Variants in CARF observed in about 807,000 individuals in gnomAD.
CARF encodes calcium-responsive transcription factor.
Under a neutral mutation model 82.0 loss-of-function variants are expected in CARF, and 57 were observed. The observed-to-expected ratio is 0.70, with a 90% confidence interval of 0.56 to 0.87. The LOEUF is 0.87. Ranked by LOEUF, CARF falls within the 40% of genes least tolerant of loss-of-function variation. CARF has a pLI of 0.00. For synonymous variants in CARF, 268 were observed against 290.1 expected (o/e 0.92, Z 0.77); for missense variants, 771 against 855.8 (o/e 0.90, Z 1.24).
intron 3 of CARF, among the ~76,000 whole-genome samples, chr2:202,926,465 A>C (rs574402563): frequency 4.6e-5 from 7 of 152,276 alleles, no homozygotes; most frequent in African/African-American, 1.7e-4. Context: ...CTATTTGTCT[A>C]TTTTTACACC....
intron 3 of CARF, among the ~76,000 whole-genome samples, chr2:202,929,741 G>A (rs929163267): frequency 7.2e-5 from 11 of 151,986 alleles, no homozygotes; most frequent in Admixed American, 5.9e-4. Context: ...TTGGGATTTC[G>A]GGGCTTTTGT....
At chr2:202,946,193 C>A (rs563454631) in intron 5 of CARF, among the ~76,000 whole-genome samples, 1 of 152,218 alleles carries the variant, frequency 6.6e-6, no homozygotes, top group South Asian at 2.1e-4. Context: ...ATAGCCAAGA[C>A]AATCCTAAGC....
intron 3 of CARF, among the ~76,000 whole-genome samples, chr2:202,936,203 C>T (rs562010299): frequency 2.0e-5 from 3 of 152,200 alleles, no homozygotes; most frequent in South Asian, 4.1e-4. Context: ...ATCTAGTCCA[C>T]GTTCATATTT....
intron 9 of CARF, among the ~76,000 whole-genome samples, chr2:202,963,794 T>C (rs1276913940): frequency 1.3e-5 from 2 of 152,152 alleles, no homozygotes; most frequent in Non-Finnish European, 2.9e-5. Context: ...CAGTTCATAA[T>C]AGGGTTCGTG....
rs1419228808 is a variant in CARF at position 202,985,694 on chromosome 2, AGTTTTTATG to A, written c.*2072_*2080del. 12 of 152,156 alleles carry A rather than the reference AGTTTTTATG, an allele frequency of 7.9e-5. No homozygotes were observed. The highest frequency in any genetic ancestry group is 1.6e-4 in the Non-Finnish European group (11 of 67,992). 9.4% of individuals were successfully genotyped at this position (152,156 alleles called of 1,614,324 possible). A position where few individuals can be genotyped will look rare whatever the true frequency, so the allele number is the denominator to read the frequency against. ...TAGGTAATATTCTTTTGTTATTTCTAGTTTTTATGGAATCCTTTTCTTTCAAGATTCTAA... is the reference window on the plus strand; with the variant it reads ...TAGGTAATATTCTTTTGTTATTTCTAGAATCCTTTTCTTTCAAGATTCTAA... On this transcript the variant is annotated 3_prime_UTR_variant, in exon 17 of 17. Transcript: ENST00000438828.
At chr2:202,931,739 T>G (rs1574526491) in intron 3 of CARF, among the ~76,000 whole-genome samples, 1 of 145,244 alleles carries the variant, frequency 6.9e-6, no homozygotes, top group Non-Finnish European at 1.5e-5. Flanking sequence ...AATAACTGGG[T>G]GCTCATTCTA....
intron 3 of CARF, chr2:202,925,044 C>A: frequency 2.4e-6 from 1 of 410,942 alleles, no homozygotes; most frequent in Non-Finnish European, 4.8e-6. Flanking sequence ...CTTGGAGCAA[C>A]ATGGACAGCA....
chr2:202,979,879 C>T (rs1009170867), intron 14 of CARF, among the ~76,000 whole-genome samples: 1 of 152,042 alleles, frequency 6.6e-6, no homozygotes. Context: ...GTGCTTAAAT[C>T]CATTCTTCTC....
intron 8 of CARF, among the ~76,000 whole-genome samples, chr2:202,960,695 TGCCTTCCC>T (rs1300596669): frequency 1.3e-5 from 2 of 151,362 alleles, no homozygotes; most frequent in Admixed American, 6.6e-5. Flanking sequence ...CCTGCCTTCC[TGCCTTCCC>T]ACCTTCCCGC....
At chr2:202,963,962 C>T (rs2059430542) in intron 9 of CARF, among the ~76,000 whole-genome samples, 1 of 152,162 alleles carries the variant, frequency 6.6e-6, no homozygotes, top group Non-Finnish European at 1.5e-5. Flanking sequence ...AGGCTACAGA[C>T]TGGTAGTGGT....
At chr2:202,926,737 C>T (rs1691902661) in intron 3 of CARF, among the ~76,000 whole-genome samples, 1 of 152,204 alleles carries the variant, frequency 6.6e-6, no homozygotes, top group Non-Finnish European at 1.5e-5. Context: ...TATGTCATCA[C>T]TCATTCAGAT....
intron 3 of CARF, among the ~76,000 whole-genome samples, chr2:202,936,956 C>T (rs983110314): frequency 6.6e-6 from 1 of 152,132 alleles, no homozygotes; most frequent in African/African-American, 2.4e-5. Context: ...CTCTTTGATC[C>T]ATTTTTTATT....
At chr2:202,964,660 T>C (rs1248360341) in intron 9 of CARF, among the ~76,000 whole-genome samples, 1 of 151,946 alleles carries the variant, frequency 6.6e-6, no homozygotes, top group Non-Finnish European at 1.5e-5. Context: ...GAGATAATAA[T>C]ATAAGAAACC....
At chr2:202,915,768 GT>G in intron 1 of CARF, among the ~76,000 whole-genome samples, 1 of 149,226 alleles carries the variant, frequency 6.7e-6, no homozygotes, top group East Asian at 2.0e-4. Context: ...CACCTAGCCT[GT>G]TTTTTTTTGT....
intron 12 of CARF, among the ~76,000 whole-genome samples, chr2:202,972,530 AGCTGG>A (rs754969458): frequency 6.6e-6 from 1 of 151,950 alleles, no homozygotes; most frequent in African/African-American, 2.4e-5. Flanking sequence ...TACAAAAACT[AGCTGG>A]GCATGGTGGC....
intron 10 of CARF, among the ~76,000 whole-genome samples, chr2:202,968,456 A>G (rs2059643928): frequency 6.6e-6 from 1 of 152,100 alleles, no homozygotes; most frequent in Non-Finnish European, 1.5e-5. Flanking sequence ...TTTAAAGCCC[A>G]TTTACAAGGC....
At chr2:202,957,973 T>C (rs1162405221) in intron 8 of CARF, among the ~76,000 whole-genome samples, 1 of 152,046 alleles carries the variant, frequency 6.6e-6, no homozygotes, top group Non-Finnish European at 1.5e-5. Context: ...TAAAATTATT[T>C]ACTAGCGTGG....
intron 14 of CARF, among the ~76,000 whole-genome samples, chr2:202,980,726 A>G (rs971355618): frequency 2.1e-5 from 3 of 145,942 alleles, no homozygotes; most frequent in Non-Finnish European, 4.5e-5. Context: ...CCAAAAATAT[A>G]TTTTTAATTG....
intron 3 of CARF, among the ~76,000 whole-genome samples, chr2:202,938,768 A>G (rs1405975444): frequency 6.6e-6 from 1 of 150,470 alleles, no homozygotes; most frequent in Admixed American, 6.7e-5. Flanking sequence ...CTTTTTTGAG[A>G]TGGGGTTTCG....
Sources: gnomAD v4.1 joint callset for allele counts (sites outside exome capture counted in the v4.1 genomes callset) on GRCh38, gnomAD v4.1.1 for gene constraint, MANE v1.5 for transcripts, NCBI Gene and HGNC (gene_info 2026-07-23, HGNC 2026-07-21) for gene names.